Variants in ERBB4 observed in about 807,000 individuals in gnomAD.
The protein encoded by ERBB4 is receptor tyrosine-protein kinase erbB-4.
Under a neutral mutation model 158.0 loss-of-function variants are expected in ERBB4, and 42 were observed. That is an observed-to-expected ratio of 0.27 (90% CI 0.21 to 0.34). The LOEUF (loss-of-function observed/expected upper bound fraction) is 0.34, where lower values mean the gene tolerates loss of function less well. ERBB4 is among the 10% of genes least tolerant of loss of function. The pLI is 1.00. For missense variants in ERBB4, 1,333 were observed against 1,624.1 expected, an observed-to-expected ratio of 0.82 and a Z score of 3.08; for synonymous variants, 583 against 558.7, an observed-to-expected ratio of 1.04 and a Z score of -0.61.
intron 2 of ERBB4, among the ~76,000 whole-genome samples, chr2:211,963,960 A>C (rs1489158817): frequency 1.3e-5 from 2 of 152,232 alleles, no homozygotes; most frequent in Non-Finnish European, 2.9e-5. Flanking sequence ...ACAAATGAAA[A>C]AATGAATAGT....
chr2:211,632,744 G>C (rs2070192657), intron 16 of ERBB4, among the ~76,000 whole-genome samples: 1 of 151,832 alleles, frequency 6.6e-6, no homozygotes, highest in Non-Finnish European at 1.5e-5. Flanking sequence ...GGCAAGTAAT[G>C]GTAATCAAAA....
intron 13 of ERBB4, among the ~76,000 whole-genome samples, chr2:211,677,915 G>A (rs1231283094): frequency 1.3e-5 from 2 of 151,960 alleles, no homozygotes; most frequent in African/African-American, 2.4e-5. Flanking sequence ...AATAAAGAAA[G>A]AAAATACTTT....
intron 1 of ERBB4, among the ~76,000 whole-genome samples, chr2:212,159,033 C>T (rs1319626077): frequency 6.6e-6 from 1 of 151,672 alleles, no homozygotes; most frequent in African/African-American, 2.4e-5. Context: ...GAAATGTGGT[C>T]GATATGTTGT....
At chr2:211,761,648 C>A (rs2075416890) in intron 4 of ERBB4, among the ~76,000 whole-genome samples, 1 of 152,002 alleles carries the variant, frequency 6.6e-6, no homozygotes, top group African/African-American at 2.4e-5. Context: ...GTAAATGGGT[C>A]TAAAATAAAT....
intron 2 of ERBB4, among the ~76,000 whole-genome samples, chr2:211,966,501 A>T (rs1341251735): frequency 6.6e-6 from 1 of 152,090 alleles, no homozygotes; most frequent in East Asian, 1.9e-4. Context: ...TGGCCTCCCA[A>T]AGGGCTGGGA....
At chr2:212,390,970 G>T (rs2090837040) in intron 1 of ERBB4, among the ~76,000 whole-genome samples, 1 of 151,772 alleles carries the variant, frequency 6.6e-6, no homozygotes, top group Non-Finnish European at 1.5e-5. Context: ...TTCCTTTCAT[G>T]TAGACACATT....
rs1264850069 is a variant in ERBB4 at position 211,381,200 on chromosome 2, C to G, written c.*2415G>C. ...GAATCTCACAAACCCTTCTCCTGCT[C>G]TACCATACTTTTTCAGCTCGCCTCA... is the stretch of plus-strand genomic sequence containing the variant. On this transcript the variant is annotated 3_prime_UTR_variant, in exon 28 of 28. Coordinates refer to ENST00000342788, the MANE Select transcript of ERBB4 (RefSeq NM_005235.3). The G allele has an allele frequency of 4.3e-6, 1 of 232,298 alleles. No individual in the cohort carries two copies. The highest frequency in any genetic ancestry group is 2.2e-5 in the African/African-American group (1 of 45,284). 14.4% of individuals were successfully genotyped at this position (232,298 alleles called of 1,614,324 possible).
At chr2:211,934,357 T>G (rs2080256215) in intron 3 of ERBB4, among the ~76,000 whole-genome samples, 2 of 151,982 alleles carry the variant, frequency 1.3e-5, no homozygotes, top group Non-Finnish European at 2.9e-5. Flanking sequence ...GGGAGTAATT[T>G]TAGTTAGTAT....
chr2:211,858,686 G>C (rs2077934457), intron 3 of ERBB4, among the ~76,000 whole-genome samples: 1 of 152,100 alleles, frequency 6.6e-6, no homozygotes, highest in Admixed American at 6.6e-5. Context: ...ATAAAATTTT[G>C]AGACAGATGT....
chr2:211,737,438 C>T (rs1023309090), intron 5 of ERBB4, among the ~76,000 whole-genome samples: 2 of 152,004 alleles, frequency 1.3e-5, no homozygotes, highest in African/African-American at 4.8e-5. Context: ...GTGTATATAC[C>T]GAAATGATTC....
intron 19 of ERBB4, among the ~76,000 whole-genome samples, chr2:211,562,760 C>G (rs1429039385): frequency 6.8e-6 from 1 of 146,870 alleles, no homozygotes; most frequent in African/African-American, 2.6e-5. Flanking sequence ...AAAAATTTGA[C>G]TACTCCAACT....
intron 1 of ERBB4, among the ~76,000 whole-genome samples, chr2:212,275,752 T>C (rs1293965326): frequency 1.3e-5 from 2 of 151,762 alleles, no homozygotes; most frequent in African/African-American, 4.8e-5. Flanking sequence ...ATCGACACTA[T>C]AAAGAAACTG....
chr2:212,239,652 G>A lies in ERBB4; in HGVS notation c.83-114749C>T, dbSNP rs115925376. Among the ~76,000 whole-genome samples, 846 of 152,296 alleles carry A rather than the reference G, an allele frequency of 5.6e-3. 1 individual carries two copies. Among genetic ancestry groups the A allele is most frequent in the Non-Finnish European group, 9.7e-3 (662 of 68,030 alleles). ...CTATTCAAAGTACTTCCTTGCTGGA[G>A]AGGATTGCTTTTATTCATAATCTCA... On this transcript the variant is annotated intron_variant, in intron 1 of 27. Transcript: ENST00000342788.
At chr2:212,077,184 C>T (rs2078300708) in intron 2 of ERBB4, among the ~76,000 whole-genome samples, 1 of 151,938 alleles carries the variant, frequency 6.6e-6, no homozygotes, top group South Asian at 2.1e-4. Context: ...TGTTATGGTA[C>T]ATACGTATTA....
chr2:211,715,329 G>T (rs2073857460), intron 7 of ERBB4, among the ~76,000 whole-genome samples: 1 of 152,166 alleles, frequency 6.6e-6, no homozygotes, highest in Admixed American at 6.5e-5. Flanking sequence ...TCACTTTGTT[G>T]AGATGATATC....
chr2:212,069,403 G>C (rs141118116), intron 2 of ERBB4, among the ~76,000 whole-genome samples: 1,555 of 152,100 alleles, frequency 0.01, 33 homozygotes, highest in African/African-American at 0.035. Flanking sequence ...ACTAGGATTA[G>C]AGTGAAACTA....
rs147377584 is a variant in ERBB4, at chr2:212,393,461, A to G, written c.82+144988T>C. ...ATATAATAATAACATATGAAATAATAATATATCATTACTTAACAATAATAA... is the reference window on the plus strand; with the variant it reads ...ATATAATAATAACATATGAAATAATGATATATCATTACTTAACAATAATAA... On this transcript the variant is annotated intron_variant, in intron 1 of 27. Coordinates refer to ENST00000342788, the MANE Select transcript of ERBB4 (RefSeq NM_005235.3). Among the ~76,000 whole-genome samples, 23 of 152,174 alleles carry G rather than the reference A, an allele frequency of 1.5e-4. No homozygotes were observed. In the East Asian group the frequency reaches 4.4e-3, roughly 29 times the overall value.
intron 2 of ERBB4, among the ~76,000 whole-genome samples, chr2:212,028,425 T>C (rs1251270584): frequency 6.6e-6 from 1 of 152,166 alleles, no homozygotes; most frequent in South Asian, 2.1e-4. Flanking sequence ...CTTCCTTCTA[T>C]ACTTTGTGAA....
At chr2:212,063,992 T>G (rs2077863338) in intron 2 of ERBB4, among the ~76,000 whole-genome samples, 2 of 152,202 alleles carry the variant, frequency 1.3e-5, no homozygotes, top group Admixed American at 1.3e-4. Flanking sequence ...CTTGTTGAAG[T>G]TAAATCACTG....
Sources: allele counts gnomAD v4.1 joint callset (sites outside exome capture counted in the v4.1 genomes callset), GRCh38; gene constraint gnomAD v4.1.1; transcripts MANE v1.5; gene names NCBI Gene and HGNC (gene_info 2026-07-23, HGNC 2026-07-21).